Variants in LINGO2 observed in about 807,000 individuals in gnomAD.
LINGO2 encodes leucine rich repeat and Ig domain containing 2.
Under a neutral mutation model 30.6 loss-of-function variants are expected in LINGO2, and 14 were observed. The ratio of observed to expected loss-of-function variants is 0.46; its 90% CI spans 0.30 to 0.72. The LOEUF is 0.72. LINGO2 is among the 30% of genes least tolerant of loss of function. The probability of loss-of-function intolerance (pLI) is 0.07; values close to 1 mark genes in which losing one functional copy is unlikely to be tolerated. For missense variants in LINGO2, 729 were observed against 751.7 expected, an observed-to-expected ratio of 0.97 and a Z score of 0.35; for synonymous variants, 317 against 288.5, an observed-to-expected ratio of 1.10 and a Z score of -1.00.
chr9:28,730,463 A>T, the LINGO2 span, among the ~76,000 whole-genome samples: 1 of 152,186 alleles, frequency 6.6e-6, no homozygotes, highest in Admixed American at 6.5e-5. Context: ...CTGTTAACTA[A>T]ATGTTTGTGG....
chr9:28,228,542 A>T (rs7048578), intron 4 of LINGO2, among the ~76,000 whole-genome samples: 4,443 of 152,070 alleles, frequency 0.029, 228 homozygotes, highest in African/African-American at 0.1. Context: ...AAGCAATGTA[A>T]TGATATTCAT....
At chr9:28,334,384 T>C (rs1046674337) in intron 3 of LINGO2, among the ~76,000 whole-genome samples, 11 of 152,172 alleles carry the variant, frequency 7.2e-5, no homozygotes, top group African/African-American at 2.7e-4. Context: ...TATTTTTCAA[T>C]TGAAGCCTAG....
chr9:28,706,952 C>G, the LINGO2 span, among the ~76,000 whole-genome samples: 10 of 152,040 alleles, frequency 6.6e-5, no homozygotes, highest in Admixed American at 2.6e-4. Flanking sequence ...AAAAAATCAC[C>G]CTTCAAATTT....
At chr9:29,188,624 G>C in the LINGO2 span, among the ~76,000 whole-genome samples, 1 of 151,848 alleles carries the variant, frequency 6.6e-6, no homozygotes, top group Non-Finnish European at 1.5e-5. Flanking sequence ...CGGGCAGAGG[G>C]GCTCCTCACT....
chr9:28,005,805 G>C (rs979297292), intron 5 of LINGO2, among the ~76,000 whole-genome samples: 3 of 151,904 alleles, frequency 2.0e-5, no homozygotes, highest in Admixed American at 1.3e-4. Flanking sequence ...CACCAAGACA[G>C]AGCAGAGGAG....
At chr9:28,589,714 T>C (rs1048284348) in intron 1 of LINGO2, among the ~76,000 whole-genome samples, 27 of 151,836 alleles carry the variant, frequency 1.8e-4, no homozygotes, top group Non-Finnish European at 3.2e-4. Context: ...ATCGTGAAAA[T>C]GGCCATACTG....
chr9:27,938,245 AAC>A, the LINGO2 span: 1 of 152,192 alleles, frequency 6.6e-6, no homozygotes, highest in Non-Finnish European at 1.5e-5. Context: ...ATCGATGGCC[AAC>A]ACCATTTTAG....
chr9:28,532,226 A>G (rs35758208), intron 1 of LINGO2, among the ~76,000 whole-genome samples: 12,428 of 152,164 alleles, frequency 0.082, 1,059 homozygotes, highest in African/African-American at 0.21. Flanking sequence ...GGGGGCTGAG[A>G]AAAAGCAAGT....
At chr9:29,192,648 A>G in the LINGO2 span, among the ~76,000 whole-genome samples, 1 of 152,204 alleles carries the variant, frequency 6.6e-6, no homozygotes, top group Non-Finnish European at 1.5e-5. Context: ...TAGAGACTAT[A>G]TATTGTTAAT....
intron 2 of LINGO2, among the ~76,000 whole-genome samples, chr9:28,450,513 G>T (rs1463484807): frequency 6.6e-6 from 1 of 152,010 alleles, no homozygotes; most frequent in Non-Finnish European, 1.5e-5. Context: ...ATGAAGATTT[G>T]ATTAGATTAG....
chr9:28,765,648 T>TC, the LINGO2 span, among the ~76,000 whole-genome samples: 46 of 152,188 alleles, frequency 3.0e-4, no homozygotes, highest in Admixed American at 2.9e-3. Context: ...TGTGTCTACT[T>TC]CCCCTTTGAC....
intron 4 of LINGO2, among the ~76,000 whole-genome samples, chr9:28,017,051 A>C (rs1822876379): frequency 6.6e-6 from 1 of 152,188 alleles, no homozygotes; most frequent in South Asian, 2.1e-4. Flanking sequence ...TACATCAATA[A>C]ATGTGATTCA....
the LINGO2 span, among the ~76,000 whole-genome samples, chr9:28,735,733 C>G: frequency 6.6e-6 from 1 of 151,806 alleles, no homozygotes; most frequent in Non-Finnish European, 1.5e-5. Context: ...ATTATAACAT[C>G]TGCTTTCTCA....
the LINGO2 span, among the ~76,000 whole-genome samples, chr9:28,915,262 A>T: frequency 6.6e-6 from 1 of 152,198 alleles, no homozygotes; most frequent in Admixed American, 6.5e-5. Context: ...TCTGTCTTCT[A>T]TTATGAAATC....
intron 2 of LINGO2, among the ~76,000 whole-genome samples, chr9:28,464,205 C>G (rs1006008174): frequency 3.3e-5 from 5 of 152,264 alleles, no homozygotes; most frequent in Middle Eastern, 3.4e-3. Flanking sequence ...AACATAGGAT[C>G]TAAGCTACAG....
rs114955243 is a variant in LINGO2 at position 27,968,237 on chromosome 9, A to G, written c.-35-17531T>C. Among the ~76,000 whole-genome samples the G allele has an allele frequency of 5.1e-3, 769 of 152,208 alleles. 6 individuals carry two copies. Among genetic ancestry groups the G allele is most frequent in the African/African-American group, 0.018 (737 of 41,566 alleles). ...ATTATATTGACTTTCCCAAATTGGA[A>G]TCACATAATTTTAAGCAGCAAAGAT... On this transcript the variant is annotated intron_variant, in intron 5 of 5. Transcript: ENST00000379992.
the LINGO2 span, among the ~76,000 whole-genome samples, chr9:28,714,164 A>AATATATATATATATATATATATATATAT: frequency 8.6e-4 from 101 of 116,966 alleles, no homozygotes; most frequent in East Asian, 1.4e-3. Context: ...TGCCTCAAAT[A>AATATATATATATATATATATATATATAT]ATATATATAT....
chr9:28,757,134 T>C, the LINGO2 span, among the ~76,000 whole-genome samples: 1 of 152,086 alleles, frequency 6.6e-6, no homozygotes, highest in Non-Finnish European at 1.5e-5. Flanking sequence ...AAATGTATCC[T>C]TGTCAAAGTA....
rs185012667 is a variant in LINGO2, at chr9:28,056,086, G to A, written c.-86-43681C>T. ...CAGAGAAAAAAGAAAGGAGCTCCCC[G>A]CTTTCAGTGAGCAAAGGCAACCTCT... On this transcript the variant is annotated intron_variant, in intron 4 of 5. Coordinates refer to ENST00000379992, the Ensembl canonical transcript of LINGO2. 1.9e-3 allele frequency among the ~76,000 whole-genome samples: 282 copies of A among 152,258 alleles called. 1 individual carries two copies. Among genetic ancestry groups the A allele is most frequent in the Admixed American group, 5.6e-3 (86 of 15,282 alleles).
Sources: gnomAD v4.1 joint callset for allele counts (sites outside exome capture counted in the v4.1 genomes callset) on GRCh38, gnomAD v4.1.1 for gene constraint, MANE v1.5 for transcripts, NCBI Gene and HGNC (gene_info 2026-07-23, HGNC 2026-07-21) for gene names.